HPSE2: variants seen among roughly 807,000 people sequenced by gnomAD.
HPSE2 encodes heparanase 2 (inactive), also known as inactive heparanase-2.
HPSE2 carries 38 observed loss-of-function variants against 60.5 expected under a neutral mutation model. The observed-to-expected ratio is 0.63, with a 90% CI of 0.48 to 0.82. The LOEUF (loss-of-function observed/expected upper bound fraction) is 0.82, where lower values mean the gene tolerates loss of function less well. Among genes scored for constraint, HPSE2 ranks in the 40% least tolerant of loss-of-function variants. The probability of loss-of-function intolerance (pLI) is 0.00; values close to 1 mark genes in which losing one functional copy is unlikely to be tolerated. For missense variants in HPSE2, 713 were observed against 740.4 expected (o/e 0.96, Z 0.43); for synonymous variants, 295 against 293.2 (o/e 1.01, Z -0.06).
intron 2 of HPSE2, among the ~76,000 whole-genome samples, chr10:99,219,842 C>A (rs1002158183): frequency 6.6e-6 from 1 of 152,180 alleles, no homozygotes; most frequent in African/African-American, 2.4e-5. Context: ...CTTCTGCCTT[C>A]TTTAGTCTGT....
the HPSE2 span, among the ~76,000 whole-genome samples, chr10:99,305,979 G>GCACGCACGCACACA: frequency 1.2e-5 from 1 of 80,580 alleles, no homozygotes; most frequent in African/African-American, 5.4e-5. Flanking sequence ...GCGCGCGCGC[G>GCACGCACGCACACA]CACACACACA....
intron 2 of HPSE2, among the ~76,000 whole-genome samples, chr10:99,194,533 A>C (rs1848327429): frequency 6.6e-6 from 1 of 151,772 alleles, no homozygotes; most frequent in Non-Finnish European, 1.5e-5. Flanking sequence ...GATTAAAAAA[A>C]AAACCCAAAT....
At chr10:98,803,542 C>G (rs2134537582) in intron 3 of HPSE2, among the ~76,000 whole-genome samples, 1 of 152,210 alleles carries the variant, frequency 6.6e-6, no homozygotes, top group Middle Eastern at 3.4e-3. Context: ...CTCCATATGG[C>G]TAGCCAGTTT....
At chr10:99,224,685 T>C (rs1849414889) in intron 2 of HPSE2, among the ~76,000 whole-genome samples, 1 of 152,060 alleles carries the variant, frequency 6.6e-6, no homozygotes, top group Non-Finnish European at 1.5e-5. Flanking sequence ...ATCCCATCAG[T>C]AGGGATTGCG....
chr10:98,708,762 C>T (rs1362463214), intron 5 of HPSE2, among the ~76,000 whole-genome samples: 1 of 152,162 alleles, frequency 6.6e-6, no homozygotes. Flanking sequence ...AGCAAGATGA[C>T]CAAACACATC....
At chr10:98,706,160 C>T (rs1415079436) in intron 5 of HPSE2, among the ~76,000 whole-genome samples, 1 of 152,136 alleles carries the variant, frequency 6.6e-6, no homozygotes, top group Admixed American at 6.5e-5. Context: ...GCAGGCTAAA[C>T]TCAGGTTCTG....
intron 2 of HPSE2, among the ~76,000 whole-genome samples, chr10:99,153,277 A>G (rs2796751): frequency 0.8 from 120,704 of 150,834 alleles, 50,472 homozygotes; most frequent in South Asian, 0.93. Flanking sequence ...GCCTGCCTCT[A>G]TAGGCTCCAC....
intron 3 of HPSE2, among the ~76,000 whole-genome samples, chr10:98,819,591 C>T (rs1951376135): frequency 6.6e-6 from 1 of 152,102 alleles, no homozygotes; most frequent in African/African-American, 2.4e-5. Flanking sequence ...AATTCTTCAA[C>T]ACTCTTGCCT....
At chr10:99,084,607 T>G (rs1442871901) in intron 3 of HPSE2, among the ~76,000 whole-genome samples, 1 of 152,208 alleles carries the variant, frequency 6.6e-6, no homozygotes, top group Admixed American at 6.5e-5. Context: ...TTGGCTCCAC[T>G]GGTTAGAAAT....
intron 9 of HPSE2, among the ~76,000 whole-genome samples, chr10:98,518,594 C>T (rs976286113): frequency 5.3e-5 from 8 of 151,852 alleles, no homozygotes; most frequent in Non-Finnish European, 8.8e-5. Context: ...GTAATCCCAG[C>T]TAACTAGGAG....
At chr10:99,294,169 T>G in the HPSE2 span, among the ~76,000 whole-genome samples, 1 of 151,804 alleles carries the variant, frequency 6.6e-6, no homozygotes, top group Admixed American at 6.6e-5. Context: ...TTAACACATC[T>G]TAACACTCAA....
At chr10:99,187,681 G>A (rs924124689) in intron 2 of HPSE2, among the ~76,000 whole-genome samples, 1 of 152,158 alleles carries the variant, frequency 6.6e-6, no homozygotes, top group African/African-American at 2.4e-5. Flanking sequence ...TGAAAACGTA[G>A]TAAGATACTA....
chr10:99,216,188 CTTTTTTTTT>C (rs550046406), intron 2 of HPSE2, among the ~76,000 whole-genome samples: 1 of 97,674 alleles, frequency 1.0e-5, no homozygotes, highest in Non-Finnish European at 1.9e-5. Flanking sequence ...ATAACCTAAA[CTTTTTTTTT>C]TTTTTTTTTT....
the HPSE2 span, among the ~76,000 whole-genome samples, chr10:99,241,877 G>C: frequency 3.9e-5 from 6 of 152,158 alleles, no homozygotes; most frequent in Non-Finnish European, 7.3e-5. Flanking sequence ...TAAGAATTAA[G>C]TTATACATGA....
At chr10:98,813,045 C>T (rs1951204710) in intron 3 of HPSE2, among the ~76,000 whole-genome samples, 1 of 152,060 alleles carries the variant, frequency 6.6e-6, no homozygotes, top group Non-Finnish European at 1.5e-5. Context: ...CAAAGAGATC[C>T]CAGAACATCA....
chr10:99,093,982 T>G (rs1363607595), intron 3 of HPSE2, among the ~76,000 whole-genome samples: 3 of 152,190 alleles, frequency 2.0e-5, no homozygotes, highest in Non-Finnish European at 4.4e-5. Context: ...TTAAATTAAG[T>G]GCTCAATACA....
intron 3 of HPSE2, among the ~76,000 whole-genome samples, chr10:98,860,357 A>C (rs1267811458): frequency 1.3e-5 from 2 of 152,180 alleles, no homozygotes; most frequent in African/African-American, 2.4e-5. Flanking sequence ...GAAGCTTTGA[A>C]TATCAGAACA....
intron 3 of HPSE2, among the ~76,000 whole-genome samples, chr10:98,931,707 G>A (rs1170450500): frequency 7.0e-6 from 1 of 143,256 alleles, no homozygotes; most frequent in Non-Finnish European, 1.5e-5. Flanking sequence ...GTATTCCTAG[G>A]TATTTTATTC....
Position 99,142,650 on chromosome 10 carries a change from G to A in HPSE2, c.610+1588C>T, listed in dbSNP as rs149458829. On this transcript the variant is annotated intron_variant, in intron 3 of 11. Transcript: ENST00000370552. The stretch of plus-strand genomic sequence containing the variant: ...TTAGTAGAAAGTAAGCAAGTTGTCA[G>A]GGTAAAAGTTGACAATGTTGATTCC... 1.6e-3 allele frequency among the ~76,000 whole-genome samples: 251 copies of A among 152,290 alleles called. 1 individual carries two copies. Among genetic ancestry groups the A allele is most frequent in the African/African-American group, 5.6e-3 (234 of 41,562 alleles).
Sources: allele counts gnomAD v4.1 joint callset (sites outside exome capture counted in the v4.1 genomes callset), GRCh38; gene constraint gnomAD v4.1.1; transcripts MANE v1.5; gene names NCBI Gene and HGNC (gene_info 2026-07-23, HGNC 2026-07-21).